KBTBD7: variants seen among roughly 807,000 people sequenced by gnomAD.
KBTBD7 encodes the protein kelch repeat and BTB domain containing 7, also known as kelch repeat and BTB domain-containing protein 7.
In KBTBD7, 25 loss-of-function variants were observed where a neutral mutation model predicts 50.3. That is an observed-to-expected ratio of 0.50 (90% confidence interval 0.36 to 0.69). The LOEUF is 0.69. Ranked by LOEUF, KBTBD7 falls within the 30% of genes least tolerant of loss-of-function variation. KBTBD7 has a pLI of 0.00. For missense variants in KBTBD7, 653 were observed against 869.5 expected (o/e 0.75, Z 3.13); for synonymous variants, 305 against 325.3 (o/e 0.94, Z 0.67).
rs944646714 is a variant in KBTBD7 at position 41,194,260 on chromosome 13, T to G, written c.-3A>C. The G allele has an allele frequency of 2.5e-6, 4 of 1,609,928 alleles. No homozygotes were observed. The Admixed American group carries it at 6.7e-5, about 27-fold the overall frequency. On this transcript the variant is annotated 5_prime_UTR_variant, in exon 1 of 1. Transcript: ENST00000379483. ...GGGACGTCTTCCCGGGACTGCATGG[T>G]GGAGATGGCGACGGGCGCTGACGGC...
Position 41,194,044 on chromosome 13 carries a change from G to T in KBTBD7, c.214C>A (p.Pro72Thr). 1 of 1,614,214 alleles carries T rather than the reference G, an allele frequency of 6.2e-7. No homozygotes were observed. ...LCDVTIEVVT[P>T]GSGPGTGRLF... The stretch of plus-strand genomic sequence containing the variant: ...CGACCCGTGCCAGGCCCGCTGCCAG[G>T]CGTCACCACCTCGATGGTCACATCA... Residue 72 changes from proline (P) to threonine (T), a missense_variant, in exon 1 of 1, where the codon CCT becomes ACT. Physicochemically the swap from Pro to Thr is conservative, Grantham distance 38. Around this residue, in one of 3 missense-constraint regions of KBTBD7, gnomAD observed 119 missense variants for 125.0 expected, o/e 0.95. Transcript: ENST00000379483.
chr13:41,191,443 G>A lies in KBTBD7; in HGVS notation c.*760C>T, dbSNP rs1338580930. 8.0e-6 allele frequency: 1 copy of A among 124,782 alleles called. No homozygotes were observed. The highest frequency in any genetic ancestry group is 1.7e-5 in the Non-Finnish European group (1 of 59,966). The allele number at this position is 124,782 out of a possible 1,614,324, so 7.7% of individuals were successfully genotyped here. A position where few individuals can be genotyped will look rare whatever the true frequency, so the allele number is the denominator to read the frequency against. On this transcript the variant is annotated 3_prime_UTR_variant, in exon 1 of 1. Coordinates refer to ENST00000379483, the MANE Select transcript of KBTBD7 (RefSeq NM_032138.7). ...GGTGTTTAATTCATGACATTACTAA[G>A]AATGGGTGTTTTTTGGGATAGAAAA...
At position 41,191,915 on chromosome 13, in the gene KBTBD7, A is replaced by G. The variant is rs1439375125; in HGVS notation, c.*288T>C. The G allele has an allele frequency of 1.1e-5, 3 of 285,486 alleles. No homozygotes were observed. The highest frequency in any genetic ancestry group is 1.9e-5 in the Non-Finnish European group (3 of 154,068). 17.7% of individuals were successfully genotyped at this position (285,486 alleles called of 1,614,324 possible). A position where few individuals can be genotyped will look rare whatever the true frequency, so the allele number is the denominator to read the frequency against. ...TAAAAAAAAAGCATACTAACTAATC[A>G]AAACAATCCACTGTGCAATGAATAT... On this transcript the variant is annotated 3_prime_UTR_variant, in exon 1 of 1. Coordinates refer to ENST00000379483, the MANE Select transcript of KBTBD7 (RefSeq NM_032138.7).
rs878902019 is a variant in KBTBD7 at position 41,191,903 on chromosome 13, TACTA to T, written c.*296_*299del. ...GACTGAATTAATTAAAAAAAAAGCATACTAACTAATCAAAACAATCCACTGTGCA... is the reference window on the plus strand; with the variant it reads ...GACTGAATTAATTAAAAAAAAAGCATACTAATCAAAACAATCCACTGTGCA... On this transcript the variant is annotated 3_prime_UTR_variant, in exon 1 of 1. Coordinates refer to ENST00000379483, the MANE Select transcript of KBTBD7 (RefSeq NM_032138.7). 4.0e-6 allele frequency: 1 copy of T among 247,416 alleles called. No homozygotes were observed. The highest frequency in any genetic ancestry group is 7.7e-6 in the Non-Finnish European group (1 of 130,022). The allele number at this position is 247,416 out of a possible 1,614,324, so 15.3% of individuals were successfully genotyped here.
chr13:41,192,788 G>C lies in KBTBD7; in HGVS notation c.1470C>G (p.Asn490Lys). ...IVVQNYLYAV[N>K]SKRMLCYDPS... ...GATCATAGCAAAGCATGCGCTTACT[G>C]TTGACAGCATAAAGATAGTTCTGAA... Residue 490 changes from asparagine (N) to lysine (K), a missense_variant, in exon 1 of 1, where the codon AAC becomes AAG. This residue lies in a region of KBTBD7 where 526 missense variants were observed against 717.1 expected (regional missense o/e 0.73). Transcript: ENST00000379483. 6.2e-7 allele frequency: 1 copy of C among 1,614,176 alleles called. No homozygotes were observed. The highest frequency in any genetic ancestry group is 1.6e-4 in the Middle Eastern group (1 of 6,062).
chr13:41,193,729 G>A lies in KBTBD7; in HGVS notation c.529C>T (p.Leu177Phe). 1 of 1,614,258 alleles carries A rather than the reference G, an allele frequency of 6.2e-7. No individual in the cohort carries two copies. The highest frequency in any genetic ancestry group is 2.2e-5 in the East Asian group (1 of 44,890). The change falls in exon 1 of 1, where the codon CTC (leucine) becomes TTC (phenylalanine). Residue 177 changes from leucine (L) to phenylalanine (F), a missense_variant. Around this residue, in one of 3 missense-constraint regions of KBTBD7, gnomAD observed 526 missense variants for 717.1 expected, o/e 0.73. Transcript: ENST00000379483. This position sits in a 1 kb window ranked among gnomAD's most constrained non-coding sequence, Gnocchi z 5.7. ...RLDLTNCTAI[L>F]KFADAFDHHK... ...TGGTCGAAGGCGTCTGCAAACTTGA[G>A]GATGGCGGTGCAGTTGGTCAGGTCA...
In KBTBD7 at chr13:41,194,086, C is replaced by A; in HGVS notation, c.172G>T (p.Asp58Tyr). 6.2e-7 allele frequency: 1 copy of A among 1,614,208 alleles called. No individual in the cohort carries two copies. The highest frequency in any genetic ancestry group is 8.5e-7 in the Non-Finnish European group (1 of 1,180,044). ...ALLAQLKSFYDARLLCDVTIE... is the reference protein window; with the variant it reads ...ALLAQLKSFYYARLLCDVTIE... ...GTCACATCACACAGCAGCCGCGCGT[C>A]GTAGAAGGACTTGAGCTGTGCCAGC... Residue 58 changes from aspartate (D) to tyrosine (Y), a missense_variant, in exon 1 of 1, where the codon GAC (aspartate) becomes TAC (tyrosine). By Grantham distance (160) the Asp-to-Tyr change is radical. This residue lies in a region of KBTBD7 where 119 missense variants were observed against 125.0 expected (regional missense o/e 0.95). Coordinates refer to ENST00000379483, the MANE Select transcript of KBTBD7 (RefSeq NM_032138.7).
Position 41,191,996 on chromosome 13 carries a change from C to T in KBTBD7, c.*207G>A. ...CTAATCAATTATATAGTTCTTGCTT[C>T]CATATTTTAATTCTGGACTTTCAGG... On this transcript the variant is annotated 3_prime_UTR_variant, in exon 1 of 1. Transcript: ENST00000379483. The T allele has an allele frequency of 2.0e-6, 1 of 496,172 alleles. No individual in the cohort carries two copies. Among genetic ancestry groups the T allele is most frequent in the Non-Finnish European group, 3.5e-6 (1 of 282,388 alleles). The allele number at this position is 496,172 out of a possible 1,614,324, so 30.7% of individuals were successfully genotyped here.
rs373125023 is a variant in KBTBD7, at chr13:41,193,625, C to G, written c.633G>C (p.Glu211Asp). The change falls in exon 1 of 1, where the codon GAG (glutamate) becomes GAC (aspartate). Residue 211 changes from glutamate to aspartate, a missense_variant. This residue lies in a region of KBTBD7 where 526 missense variants were observed against 717.1 expected (regional missense o/e 0.73). Coordinates refer to ENST00000379483, the MANE Select transcript of KBTBD7 (RefSeq NM_032138.7). The surrounding 1 kb of genome is among the most constrained non-coding windows in gnomAD (Gnocchi z 5.7). ...KQLSRMGSIR[E>D]ETLADLTLAQ... ...CCAGGGTTAGATCTGCTAGAGTCTC[C>G]TCCCGAATTGAACCCATTCGGCTGA... 6.2e-7 allele frequency: 1 copy of G among 1,614,194 alleles called. No homozygotes were observed. Among genetic ancestry groups the G allele is most frequent in the Non-Finnish European group, 8.5e-7 (1 of 1,180,040 alleles).
At position 41,193,580 on chromosome 13, in the gene KBTBD7, T is replaced by C. The variant is rs202111484; in HGVS notation, c.678A>G (p.Leu226=). The C allele has an allele frequency of 2.3e-5, 37 of 1,614,190 alleles. No individual in the cohort carries two copies. The highest frequency in any genetic ancestry group is 3.0e-5 in the Non-Finnish European group (35 of 1,180,034). Residue 226 remains leucine (L), a synonymous_variant, in exon 1 of 1, where the codon CTA becomes CTG. Transcript: ENST00000379483. The surrounding 1 kb of genome is among the most constrained non-coding windows in gnomAD (Gnocchi z 5.7). ...TCTCTATGTCCAGACTATCCAGGCG[T>C]AGGACAGCCAGCAGCTGGGCCAGGG... The part of the protein sequence containing the change: ...DLTLAQLLAV[L]RLDSLDIESE...
Position 41,192,720 on chromosome 13 carries a change from C to G in KBTBD7, c.1538G>C (p.Ser513Thr). Residue 513 changes from serine (S) to threonine (T), a missense_variant, in exon 1 of 1, where the codon AGT becomes ACT. This residue lies in a region of KBTBD7 where 526 missense variants were observed against 717.1 expected (regional missense o/e 0.73). Coordinates refer to ENST00000379483, the MANE Select transcript of KBTBD7 (RefSeq NM_032138.7). Reference protein sequence around the residue: ...MWLNCASLKRSDFQEACVFND... With the variant: ...MWLNCASLKRTDFQEACVFND... Reference sequence around the variant, plus strand: ...GAAGACACATGCTTCCTGAAAGTCACTACGTTTAAGAGAAGCACAGTTCAG... The same window carrying G: ...GAAGACACATGCTTCCTGAAAGTCAGTACGTTTAAGAGAAGCACAGTTCAG... 2.5e-6 allele frequency: 4 copies of G among 1,614,150 alleles called. No individual in the cohort carries two copies. The highest frequency in any genetic ancestry group is 3.4e-6 in the Non-Finnish European group (4 of 1,180,024).
rs1460743792 is a variant in KBTBD7 at position 41,191,096 on chromosome 13, G to A, written c.*1107C>T. ...GATTTTTTTTATAGCTGATAGACAC[G>A]ATAACTACTGATCTGAGTAAAATAC... On this transcript the variant is annotated 3_prime_UTR_variant, in exon 1 of 1. Transcript: ENST00000379483. The A allele has an allele frequency of 6.6e-6, 1 of 152,088 alleles. No individual in the cohort carries two copies. Among genetic ancestry groups the A allele is most frequent in the Admixed American group, 6.6e-5 (1 of 15,262 alleles). 9.4% of individuals were successfully genotyped at this position (152,088 alleles called of 1,614,324 possible). A position where few individuals can be genotyped will look rare whatever the true frequency, so the allele number is the denominator to read the frequency against.
Position 41,192,200 on chromosome 13 carries a change from T to C in KBTBD7, c.*3A>G, listed in dbSNP as rs758406186. Reference sequence around the variant, plus strand: ...GAAACATCTTAGTGTCTCAAAATACTATTTACAAAGAACCCTGCTGATCCT... The same window carrying C: ...GAAACATCTTAGTGTCTCAAAATACCATTTACAAAGAACCCTGCTGATCCT... On this transcript the variant is annotated 3_prime_UTR_variant, in exon 1 of 1. Coordinates refer to ENST00000379483, the MANE Select transcript of KBTBD7 (RefSeq NM_032138.7). 2.6e-5 allele frequency: 42 copies of C among 1,599,190 alleles called. No individual in the cohort carries two copies. The South Asian group carries it at 4.7e-4, about 18-fold the overall frequency.
chr13:41,193,786 C>T lies in KBTBD7; in HGVS notation c.472G>A (p.Glu158Lys). Reference protein sequence around the residue: ...SDMLQLEYVREACASFLARRL... With the variant: ...SDMLQLEYVRKACASFLARRL... ...CGGGCTAAGAAGGAGGCACAGGCTT[C>T]CCGCACATATTCCAGCTGTAGCATG... The change falls in exon 1 of 1, where the codon GAA becomes AAA. Residue 158 changes from glutamate to lysine, a missense_variant. By Grantham distance (56) the Glu-to-Lys change is moderately conservative. Coordinates refer to ENST00000379483, the MANE Select transcript of KBTBD7 (RefSeq NM_032138.7). The surrounding 1 kb of genome is among the most constrained non-coding windows in gnomAD (Gnocchi z 5.7). The T allele has an allele frequency of 6.2e-7, 1 of 1,614,220 alleles. No homozygotes were observed. The highest frequency in any genetic ancestry group is 8.5e-7 in the Non-Finnish European group (1 of 1,180,044).
Position 41,194,129 on chromosome 13 carries a change from C to T in KBTBD7, c.129G>A (p.Thr43=), listed in dbSNP as rs1207148350. The T allele has an allele frequency of 6.2e-7, 1 of 1,614,088 alleles. No homozygotes were observed. The highest frequency in any genetic ancestry group is 8.5e-7 in the Non-Finnish European group (1 of 1,180,060). Residue 43 remains threonine (T), a synonymous_variant, in exon 1 of 1, where the codon ACG becomes ACA. Transcript: ENST00000379483. ...FFTGPEELKD[T]AHSAALLAQL... Reference sequence around the variant, plus strand: ...GTGCCAGCAGGGCTGCAGAATGGGCCGTGTCCTTTAACTCCTCTGGACCCG... The same window carrying T: ...GTGCCAGCAGGGCTGCAGAATGGGCTGTGTCCTTTAACTCCTCTGGACCCG...
chr13:41,191,499 A>G lies in KBTBD7; in HGVS notation c.*704T>C, dbSNP rs1166630228. 6.9e-6 allele frequency: 1 copy of G among 144,026 alleles called. No homozygotes were observed. Among genetic ancestry groups the G allele is most frequent in the Admixed American group, 7.2e-5 (1 of 13,974 alleles). The allele number at this position is 144,026 out of a possible 1,614,324, so 8.9% of individuals were successfully genotyped here. On this transcript the variant is annotated 3_prime_UTR_variant, in exon 1 of 1. Transcript: ENST00000379483. The stretch of plus-strand genomic sequence containing the variant: ...CACATATACCAAATACACATTTTAT[A>G]TTCCAAAATAAAAACTGAGATTTCT...
Position 41,192,116 on chromosome 13 carries a change from TC to T in KBTBD7, c.*86del. The T allele has an allele frequency of 7.4e-7, 1 of 1,356,456 alleles. No homozygotes were observed. Among genetic ancestry groups the T allele is most frequent in the Non-Finnish European group, 1.0e-6 (1 of 987,314 alleles). The allele number at this position is 1,356,456 out of a possible 1,614,324, so 84.0% of individuals were successfully genotyped here. The stretch of plus-strand genomic sequence containing the variant: ...TTCTAAACCAAATCTGTGGTCCTAA[TC>T]AACTTTTTTTCCAAGAAAAAGAAAC... On this transcript the variant is annotated 3_prime_UTR_variant, in exon 1 of 1. Transcript: ENST00000379483.
At position 41,192,295 on chromosome 13, in the gene KBTBD7, C is replaced by T. The variant is rs1195106139; in HGVS notation, c.1963G>A (p.Glu655Lys). 6.2e-7 allele frequency: 1 copy of T among 1,614,044 alleles called. No homozygotes were observed. Among genetic ancestry groups the T allele is most frequent in the Non-Finnish European group, 8.5e-7 (1 of 1,180,022 alleles). Reference protein sequence around the residue: ...DLDGFSELDSESGSSSSFSDD... With the variant: ...DLDGFSELDSKSGSSSSFSDD... Reference sequence around the variant, plus strand: ...GAAAAAGAACTTGAACTTCCTGACTCAGAGTCCAGCTCACTGAATCCATCT... The same window carrying T: ...GAAAAAGAACTTGAACTTCCTGACTTAGAGTCCAGCTCACTGAATCCATCT... The change falls in exon 1 of 1, where the codon GAG (glutamate) becomes AAG (lysine). Residue 655 changes from glutamate (E) to lysine (K), a missense_variant. Physicochemically the swap from Glu to Lys is moderately conservative, Grantham distance 56 (BLOSUM62 1). Coordinates refer to ENST00000379483, the MANE Select transcript of KBTBD7 (RefSeq NM_032138.7).
Position 41,192,327 on chromosome 13 carries a change from C to T in KBTBD7, c.1931G>A (p.Trp644Ter), listed in dbSNP as rs1276301198. The T allele has an allele frequency of 1.9e-6, 3 of 1,614,146 alleles. No individual in the cohort carries two copies. Among genetic ancestry groups the T allele is most frequent in the Non-Finnish European group, 2.5e-6 (3 of 1,180,002 alleles). ...CAGCTCACTGAATCCATCTAAGTCC[C>T]ATTCAGTACTAGACTCACTCCGTGC... Reference protein sequence around the residue: ...DDARSESSTEWDLDGFSELDS... With the variant: ...DDARSESSTE Residue 644 changes from tryptophan (W) to a stop codon, truncating the protein, a stop_gained, in exon 1 of 1, where the codon TGG becomes TAG. Coordinates refer to ENST00000379483, the MANE Select transcript of KBTBD7 (RefSeq NM_032138.7). LOFTEE classifies it high-confidence loss of function.
Sources: gnomAD v4.1 joint callset for allele counts on GRCh38, gnomAD v4.1.1 for gene constraint, gnomAD v4.1.1 regional missense constraint, Gnocchi (gnomAD v3.1) non-coding constraint, MANE v1.5 for transcripts, NCBI Gene and HGNC (gene_info 2026-07-23, HGNC 2026-07-21) for gene names.